The following CYP1A1 variants were observed in gnomAD, a reference collection of about 807,000 sequenced individuals.
The protein encoded by CYP1A1 is cytochrome P450 1A1.
CYP1A1 carries 43 observed loss-of-function variants against 33.6 expected under a neutral mutation model. The observed-to-expected ratio is 1.28, with a 90% confidence interval of 1.00 to 1.65. The LOEUF (loss-of-function observed/expected upper bound fraction) is 1.65. Ranked by LOEUF, CYP1A1 falls within the 40% of genes most tolerant of loss-of-function variation. The probability of loss-of-function intolerance (pLI) is 0.00; values close to 1 mark genes in which losing one functional copy is unlikely to be tolerated. For synonymous variants in CYP1A1, 280 were observed against 257.8 expected (o/e 1.09, Z -0.83); for missense variants, 637 against 653.7 (o/e 0.97, Z 0.28).
At position 74,719,790 on chromosome 15, in the gene CYP1A1, G is replaced by A. The variant is rs2063154050; in HGVS notation, c.*699C>T. 6.6e-6 allele frequency: 1 copy of A among 152,102 alleles called. No homozygotes were observed. Among genetic ancestry groups the A allele is most frequent in the Non-Finnish European group, 1.5e-5 (1 of 68,034 alleles). The allele number at this position is 152,102 out of a possible 1,614,324, so 9.4% of individuals were successfully genotyped here. A position where few individuals can be genotyped will look rare whatever the true frequency, so the allele number is the denominator to read the frequency against. Reference sequence around the variant, plus strand: ...ATTGAAATACCCCCCCCTCACTCCAGCCCTAGTCCTGGTGCCTGGATATGT... The same window carrying A: ...ATTGAAATACCCCCCCCTCACTCCAACCCTAGTCCTGGTGCCTGGATATGT... On this transcript the variant is annotated 3_prime_UTR_variant, in exon 7 of 7. Transcript: ENST00000379727.
rs1769751860 is a variant in CYP1A1, at chr15:74,724,655, C to A, written c.-30+786G>T. Among the ~76,000 whole-genome samples the A allele has an allele frequency of 4.0e-5, 6 of 149,302 alleles. No individual in the cohort carries two copies. In the South Asian group the frequency reaches 1.3e-3, roughly 32 times the overall value. On this transcript the variant is annotated intron_variant, in intron 1 of 6. Coordinates refer to ENST00000379727, the MANE Select transcript of CYP1A1 (RefSeq NM_001319217.2). ...TGGAGGGGCTAAATATCAAAGCACA[C>A]TAGATCCCTGAGTCAACAGGGGACA...
At chr15:74,723,733 A>C (rs2063192131) in intron 1 of CYP1A1, among the ~76,000 whole-genome samples, 1 of 152,176 alleles carries the variant, frequency 6.6e-6, no homozygotes, top group Non-Finnish European at 1.5e-5. Flanking sequence ...CTTTAGCCTC[A>C]TTTAACATTT....
chr15:74,720,511 A>C lies in CYP1A1; in HGVS notation c.1517T>G (p.Phe506Cys), dbSNP rs1197263279. 1 of 1,578,790 alleles carries C rather than the reference A, an allele frequency of 6.3e-7. No individual in the cohort carries two copies. The highest frequency in any genetic ancestry group is 2.2e-5 in the East Asian group (1 of 44,632). Reference protein sequence around the residue: ...LTMKHACCEHFQMQLRS With the variant: ...LTMKHACCEHCQMQLRS ...CACCTAAGAGCGCAGCTGCATTTGG[A>C]AGTGCTCACAGCAGGCATGCTTCAT... Residue 506 changes from phenylalanine (F) to cysteine (C), a missense_variant, in exon 7 of 7, where the codon TTC becomes TGC. Phe to Cys is a radical substitution (Grantham distance 205). Coordinates refer to ENST00000379727, the MANE Select transcript of CYP1A1 (RefSeq NM_001319217.2).
Position 74,721,028 on chromosome 15 carries a change from CT to C in CYP1A1, c.1191del (p.Gly398AlafsTer12), listed in dbSNP as rs1448819883. 6.2e-7 allele frequency: 1 copy of C among 1,614,158 alleles called. No individual in the cohort carries two copies. Among genetic ancestry groups the C allele is most frequent in the Admixed American group, 1.7e-5 (1 of 60,024 alleles). On this transcript the variant is annotated frameshift_variant, in exon 6 of 7. Transcript: ENST00000379727. LOFTEE classifies it high-confidence loss of function. ...CAACGCCCCTTGGGGATGTAAAAGC[CT>C]TTCAAACTTGTGTCTCTTGTTGTGC... ...PHSTTRDTSL[K>X]GFYIPKGRCV...
At position 74,720,529 on chromosome 15, in the gene CYP1A1, T is replaced by A. The variant is rs760061276; in HGVS notation, c.1499A>T (p.His500Leu). Residue 500 changes from histidine (H) to leucine (L), a missense_variant, in exon 7 of 7, where the codon CAT (histidine) becomes CTT (leucine). Physicochemically the swap from His to Leu is moderately conservative, Grantham distance 99 (BLOSUM62 -3). Transcript: ENST00000379727. ...MTPIYGLTMK[H>L]ACCEHFQMQL... ...CATTTGGAAGTGCTCACAGCAGGCA[T>A]GCTTCATGGTTAGCCCATAGATGGG... The A allele has an allele frequency of 2.3e-5, 36 of 1,598,690 alleles. No homozygotes were observed. The highest frequency in any genetic ancestry group is 3.4e-6 in the Non-Finnish European group (4 of 1,172,572).
At chr15:74,720,884 A>T (rs1191218912) in intron 6 of CYP1A1, 83 bp downstream of exon 6, 1 of 1,564,434 alleles carries the variant, frequency 6.4e-7, no homozygotes, top group African/African-American at 1.4e-5. Flanking sequence ...CATGGACAGG[A>T]GGATCAATGC....
chr15:74,722,557 GCCC>G lies in CYP1A1; in HGVS notation c.538_540del (p.Gly180del). 1 of 1,614,186 alleles carries G rather than the reference GCCC, an allele frequency of 6.2e-7. No homozygotes were observed. The highest frequency in any genetic ancestry group is 8.5e-7 in the Non-Finnish European group (1 of 1,180,036). On this transcript the variant is annotated inframe_deletion, in exon 2 of 7. Coordinates refer to ENST00000379727, the MANE Select transcript of CYP1A1 (RefSeq NM_001319217.2). ...TACCTGTAGGGGTTAAAGTGCCCAG[GCCC>G]TGCCATCAGCTCCTGCAACGTGCTT... is the stretch of plus-strand genomic sequence containing the variant.
intron 1 of CYP1A1, among the ~76,000 whole-genome samples, chr15:74,723,940 C>T (rs2063194148): frequency 6.6e-6 from 1 of 152,146 alleles, no homozygotes; most frequent in Non-Finnish European, 1.5e-5. Context: ...TGCAGGAAAT[C>T]CCACCAGACC....
chr15:74,724,545 C>T (rs2063200022), intron 1 of CYP1A1, among the ~76,000 whole-genome samples: 1 of 151,466 alleles, frequency 6.6e-6, no homozygotes, highest in South Asian at 2.1e-4. Context: ...GACAGTCTTA[C>T]CAGTTAGGCT....
In CYP1A1 at chr15:74,722,621, C is replaced by T. The variant is rs778370057; in HGVS notation, c.477G>A (p.Leu159=). Residue 159 remains leucine (L), a synonymous_variant, in exon 2 of 7, where the codon CTG becomes CTA. Coordinates refer to ENST00000379727, the MANE Select transcript of CYP1A1 (RefSeq NM_001319217.2). ...SDPASSTSCY[L]EEHVSKEAEV... ...CAGCCTCCTTGCTCACATGCTCTTCCAGGTAGCAGGAGGTTGAGGAGGCTG... is the reference window on the plus strand; with the variant it reads ...CAGCCTCCTTGCTCACATGCTCTTCTAGGTAGCAGGAGGTTGAGGAGGCTG... 11 of 1,614,116 alleles carry T rather than the reference C, an allele frequency of 6.8e-6. No individual in the cohort carries two copies. Among genetic ancestry groups the T allele is most frequent in the Non-Finnish European group, 9.3e-6 (11 of 1,180,042 alleles).
In CYP1A1 at chr15:74,722,779, G is replaced by T. The variant is rs372306597; in HGVS notation, c.319C>A (p.Pro107Thr). 1 of 1,571,170 alleles carries T rather than the reference G, an allele frequency of 6.4e-7. No individual in the cohort carries two copies. Among genetic ancestry groups the T allele is most frequent in the African/African-American group, 1.5e-5 (1 of 67,014 alleles). The stretch of plus-strand genomic sequence containing the variant: ...ATGAGGGTGAAGGTGTAGAGGTCGG[G>T]CCGGCCCTTGAAATCATCGCCCTGC... ...VRQGDDFKGR[P>T]DLYTFTLISN... Residue 107 changes from proline to threonine, a missense_variant, in exon 2 of 7, where the codon CCC (proline) becomes ACC (threonine). Physicochemically the swap from Pro to Thr is conservative, Grantham distance 38. Transcript: ENST00000379727.
In CYP1A1 at chr15:74,722,569, G is replaced by C; in HGVS notation, c.529C>G (p.Leu177Val). The change falls in exon 2 of 7, where the codon CTG (leucine) becomes GTG (valine). Residue 177 changes from leucine (L) to valine (V), a missense_variant. Transcript: ENST00000379727. Reference protein sequence around the residue: ...AEVLISTLQELMAGPGHFNPY... With the variant: ...AEVLISTLQEVMAGPGHFNPY... Reference sequence around the variant, plus strand: ...TTAAAGTGCCCAGGCCCTGCCATCAGCTCCTGCAACGTGCTTATCAGGACC... The same window carrying C: ...TTAAAGTGCCCAGGCCCTGCCATCACCTCCTGCAACGTGCTTATCAGGACC... 6.2e-7 allele frequency: 1 copy of C among 1,614,184 alleles called. No homozygotes were observed. The highest frequency in any genetic ancestry group is 8.5e-7 in the Non-Finnish European group (1 of 1,180,036).
intron 1 of CYP1A1, among the ~76,000 whole-genome samples, chr15:74,724,230 A>G (rs1013931835): frequency 6.6e-6 from 1 of 152,178 alleles, no homozygotes; most frequent in South Asian, 2.1e-4. Flanking sequence ...GACTGGAATC[A>G]GGGAAATCAG....
Position 74,723,016 on chromosome 15 carries a change from C to A in CYP1A1, c.82G>T (p.Ala28Ser), listed in dbSNP as rs2063187005. ...CCTTTGGGGACCTGAGGTCTTGAGGCCCTGATTACCCAGAATACCAGACAG... is the reference window on the plus strand; with the variant it reads ...CCTTTGGGGACCTGAGGTCTTGAGGACCTGATTACCCAGAATACCAGACAG... ...IFCLVFWVIRASRPQVPKGLK... is the reference protein window; with the variant it reads ...IFCLVFWVIRSSRPQVPKGLK... Residue 28 changes from alanine to serine, a missense_variant, in exon 2 of 7, where the codon GCC (alanine) becomes TCC (serine). By Grantham distance (99) the Ala-to-Ser change is moderately conservative. Transcript: ENST00000379727. 5 of 1,613,546 alleles carry A rather than the reference C, an allele frequency of 3.1e-6. No individual in the cohort carries two copies. In the African/African-American group the frequency reaches 5.3e-5, roughly 17 times the overall value.
intron 6 of CYP1A1, 46 bp from the exon 7 acceptor site, chr15:74,720,820 A>T (rs1270016003): frequency 4.4e-6 from 7 of 1,583,018 alleles, no homozygotes; most frequent in South Asian, 1.2e-5. Flanking sequence ...AGGGCTCAGA[A>T]GTGTCAAGTG....
chr15:74,720,556 G>T lies in CYP1A1; in HGVS notation c.1472C>A (p.Thr491Asn), dbSNP rs755919617. 4 of 1,611,344 alleles carry T rather than the reference G, an allele frequency of 2.5e-6. 1 individual carries two copies. The highest frequency in any genetic ancestry group is 3.3e-4 in the Middle Eastern group (2 of 6,044). ...SVPLGVKVDM[T>N]PIYGLTMKHA... ...CTTCATGGTTAGCCCATAGATGGGG[G>T]TCATGTCCACCTTCACGCCCAGTGG... The change falls in exon 7 of 7, where the codon ACC (threonine) becomes AAC (asparagine). Residue 491 changes from threonine to asparagine, a missense_variant. Coordinates refer to ENST00000379727, the MANE Select transcript of CYP1A1 (RefSeq NM_001319217.2).
chr15:74,721,818 G>A, intron 2 of CYP1A1, 101 bp from the exon 3 acceptor site: 1 of 1,464,938 alleles, frequency 6.8e-7, no homozygotes, highest in Non-Finnish European at 9.2e-7. Context: ...TTGTTCTGGA[G>A]GTGATGCCCC....
At position 74,723,117 on chromosome 15, in the gene CYP1A1, G is replaced by C; in HGVS notation, c.-20C>G. 6.6e-7 allele frequency: 1 copy of C among 1,521,142 alleles called. No homozygotes were observed. The highest frequency in any genetic ancestry group is 8.8e-7 in the Non-Finnish European group (1 of 1,132,590). The allele number at this position is 1,521,142 out of a possible 1,614,324, so 94.2% of individuals were successfully genotyped here. A position where few individuals can be genotyped will look rare whatever the true frequency, so the allele number is the denominator to read the frequency against. On this transcript the variant is annotated 5_prime_UTR_variant, in exon 2 of 7. Transcript: ENST00000379727. ...AAGCATGATCAGTGTAGGGATCTTG[G>C]AGGTGGCTGCTGAGAGAAGGTGCAG...
At chr15:74,724,894 G>T (rs1001267801) in intron 1 of CYP1A1, among the ~76,000 whole-genome samples, 15 of 152,128 alleles carry the variant, frequency 9.9e-5, no homozygotes, top group Admixed American at 2.0e-4. Context: ...AAAGGCCTGG[G>T]ACTCCTGCAC....
Sources: gnomAD v4.1 joint callset for allele counts (sites outside exome capture counted in the v4.1 genomes callset) on GRCh38, gnomAD v4.1.1 for gene constraint, MANE v1.5 for transcripts, NCBI Gene and HGNC (gene_info 2026-07-23, HGNC 2026-07-21) for gene names.